The following TC2N variants were observed in gnomAD, a reference collection of about 807,000 sequenced individuals.
The protein encoded by TC2N is tandem C2 domains nuclear protein.
TC2N carries 51 observed loss-of-function variants against 61.9 expected under a neutral mutation model. The ratio of observed to expected loss-of-function variants is 0.82; its 90% CI spans 0.66 to 1.04. The LOEUF (loss-of-function observed/expected upper bound fraction) is 1.04. TC2N is among the 50% of genes least tolerant of loss of function. The probability of loss-of-function intolerance (pLI) is 0.00; values close to 1 mark genes in which losing one functional copy is unlikely to be tolerated. For synonymous variants in TC2N, 204 were observed against 192.6 expected (o/e 1.06, Z -0.49); for missense variants, 556 against 566.7 (o/e 0.98, Z 0.19).
chr14:91,851,127 C>CTCA (rs1566789723), intron 1 of TC2N, among the ~76,000 whole-genome samples: 1 of 152,064 alleles, frequency 6.6e-6, no homozygotes, highest in East Asian at 1.9e-4. Context: ...ATGTAATGTG[C>CTCA]TTGAATCATC....
intron 1 of TC2N, among the ~76,000 whole-genome samples, chr14:91,832,022 AAAAG>A (rs1887793876): frequency 6.6e-6 from 1 of 152,346 alleles, no homozygotes; most frequent in South Asian, 2.1e-4. Flanking sequence ...CACTTGGAGA[AAAAG>A]AAATGTGCCA....
At position 91,798,369 on chromosome 14, in the gene TC2N, TC is replaced by T. The variant is rs879038838; in HGVS notation, c.667del (p.Asp223ThrfsTer5). 1.4e-5 allele frequency: 22 copies of T among 1,586,014 alleles called. No homozygotes were observed. The South Asian group carries it at 1.9e-4, about 14-fold the overall frequency. ...CAATTTCACATTCAGTCTCCCAAAG[TC>T]CCTTTCATCTCCTGATAGAGTAATT... The part of the protein sequence containing the change: ...DTITLSGDER[D>X]FGRLNVKLFY... On this transcript the variant is annotated frameshift_variant, in exon 7 of 12. Coordinates refer to ENST00000435962, the MANE Select transcript of TC2N (RefSeq NM_001128596.3). LOFTEE classifies it high-confidence loss of function.
chr14:91,856,026 T>TA (rs1381090596), intron 1 of TC2N, among the ~76,000 whole-genome samples: 1 of 150,850 alleles, frequency 6.6e-6, no homozygotes, highest in East Asian at 1.9e-4. Context: ...AACAAAGACA[T>TA]ATGAGAGAGG....
chr14:91,853,204 C>T (rs1187706770), intron 1 of TC2N, among the ~76,000 whole-genome samples: 1 of 152,154 alleles, frequency 6.6e-6, no homozygotes, highest in Non-Finnish European at 1.5e-5. Flanking sequence ...CTGATTTCAC[C>T]TTAGTACAGA....
chr14:91,813,043 C>T (rs1450825132), intron 2 of TC2N, among the ~76,000 whole-genome samples: 1 of 151,648 alleles, frequency 6.6e-6, no homozygotes, highest in Non-Finnish European at 1.5e-5. Flanking sequence ...TATCTGTAGA[C>T]TGAAAGTACA....
chr14:91,789,492 T>A (rs1885537249), intron 9 of TC2N, among the ~76,000 whole-genome samples: 2 of 151,458 alleles, frequency 1.3e-5, no homozygotes. Context: ...ATACCTGTAG[T>A]CCCAGCTACT....
chr14:91,796,599 C>T (rs1348956341), intron 8 of TC2N, among the ~76,000 whole-genome samples: 6 of 151,928 alleles, frequency 3.9e-5, no homozygotes, highest in Admixed American at 2.6e-4. Context: ...AAGAAGATGG[C>T]CATGTGAATA....
intron 1 of TC2N, among the ~76,000 whole-genome samples, chr14:91,863,303 G>A (rs951321818): frequency 3.3e-5 from 5 of 152,126 alleles, no homozygotes; most frequent in African/African-American, 9.7e-5. Context: ...AAGGCCAAAC[G>A]TTCATACCAA....
intron 1 of TC2N, among the ~76,000 whole-genome samples, chr14:91,859,165 A>G (rs921330009): frequency 2.0e-5 from 3 of 152,174 alleles, no homozygotes; most frequent in Non-Finnish European, 1.5e-5. Context: ...GTGCTTTCAT[A>G]CACACTGCTG....
chr14:91,858,524 T>C (rs1888529637), intron 1 of TC2N, among the ~76,000 whole-genome samples: 1 of 152,138 alleles, frequency 6.6e-6, no homozygotes, highest in Non-Finnish European at 1.5e-5. Context: ...TACCTTTAAT[T>C]AAATGCAGTA....
At chr14:91,790,901 G>A (rs1885609523) in intron 9 of TC2N, among the ~76,000 whole-genome samples, 1 of 151,968 alleles carries the variant, frequency 6.6e-6, no homozygotes, top group African/African-American at 2.4e-5. Context: ...GGAGGCCGAG[G>A]CAGGAGGACT....
chr14:91,808,100 G>C (rs1170257685), intron 3 of TC2N, among the ~76,000 whole-genome samples: 1 of 152,168 alleles, frequency 6.6e-6, no homozygotes, highest in African/African-American at 2.4e-5. Context: ...CAGCCACATG[G>C]AACTGTGATT....
At chr14:91,819,464 T>A (rs1042005059) in intron 1 of TC2N, among the ~76,000 whole-genome samples, 1 of 151,768 alleles carries the variant, frequency 6.6e-6, no homozygotes, top group Non-Finnish European at 1.5e-5. Context: ...TCAGAGAAAA[T>A]CTTTCAAAAA....
chr14:91,783,164 C>T lies in TC2N; in HGVS notation c.1409G>A (p.Trp470Ter). The T allele has an allele frequency of 6.2e-7, 1 of 1,611,808 alleles. No individual in the cohort carries two copies. The highest frequency in any genetic ancestry group is 8.5e-7 in the Non-Finnish European group (1 of 1,178,562). The change falls in exon 12 of 12, where the codon TGG (tryptophan) becomes TAG (stop). Residue 470 changes from tryptophan (W) to a stop codon, truncating the protein, a stop_gained. Coordinates refer to ENST00000435962, the MANE Select transcript of TC2N (RefSeq NM_001128596.3). LOFTEE classifies it high-confidence loss of function. ...DSNNIEAVNQWKETVINPEKV... is the reference protein window; with the variant it reads ...DSNNIEAVNQ ...TTCTGGATTTATTACTGTCTCTTTC[C>T]ACTGGTTCACTGCTTCAATGTTATT...
chr14:91,800,758 C>T lies in TC2N; in HGVS notation c.470-386G>A, dbSNP rs568911564. On this transcript the variant is annotated intron_variant, in intron 4 of 11. Transcript: ENST00000435962. Reference sequence around the variant, plus strand: ...TACTTTTAAAAATCAATACTCAATCCCATGTGCTCCTATATTTCTAGTCTG... The same window carrying T: ...TACTTTTAAAAATCAATACTCAATCTCATGTGCTCCTATATTTCTAGTCTG... Among the ~76,000 whole-genome samples the T allele has an allele frequency of 5.3e-5, 8 of 151,944 alleles. No homozygotes were observed. In the East Asian group the frequency reaches 1.4e-3, roughly 26 times the overall value.
intron 3 of TC2N, chr14:91,811,916 G>A (rs1025001468): frequency 1.3e-5 from 2 of 153,902 alleles, no homozygotes; most frequent in African/African-American, 4.8e-5. Context: ...AAATGCTACT[G>A]AGATAGTTGT....
rs1329595303 is a variant in TC2N, at chr14:91,785,208, T to C, written c.1316A>G (p.Lys439Arg). Residue 439 changes from lysine (K) to arginine (R), a missense_variant, in exon 11 of 12, where the codon AAG becomes AGG. Physicochemically the swap from Lys to Arg is conservative, Grantham distance 26. Transcript: ENST00000435962. ...TCTTACAGAGCTTCGACTGTAAAGCTTAATGAGAAAAACAATTTCTTTTTC... is the reference window on the plus strand; with the variant it reads ...TCTTACAGAGCTTCGACTGTAAAGCCTAATGAGAAAAACAATTTCTTTTTC... ...QSEKEIVFLIKLYSRSSVRRK... is the reference protein window; with the variant it reads ...QSEKEIVFLIRLYSRSSVRRK... 6.2e-7 allele frequency: 1 copy of C among 1,613,768 alleles called. No individual in the cohort carries two copies. The highest frequency in any genetic ancestry group is 1.1e-5 in the South Asian group (1 of 91,060).
intron 1 of TC2N, among the ~76,000 whole-genome samples, chr14:91,832,667 C>A (rs1168289260): frequency 6.6e-6 from 1 of 152,072 alleles, no homozygotes; most frequent in Non-Finnish European, 1.5e-5. Flanking sequence ...ACTGGTACAG[C>A]CACTTTATAA....
chr14:91,815,744 A>G (rs1478577168), intron 1 of TC2N, among the ~76,000 whole-genome samples: 1 of 151,726 alleles, frequency 6.6e-6, no homozygotes, highest in African/African-American at 2.4e-5. Context: ...TTCTAATCAT[A>G]TAATTTCATC....
Sources: gnomAD v4.1 joint callset for allele counts (sites outside exome capture counted in the v4.1 genomes callset) on GRCh38, gnomAD v4.1.1 for gene constraint, MANE v1.5 for transcripts, NCBI Gene and HGNC (gene_info 2026-07-23, HGNC 2026-07-21) for gene names.